Variants in LRMDA observed in about 807,000 individuals in gnomAD.
LRMDA encodes leucine rich melanocyte differentiation associated.
In LRMDA, 18 loss-of-function variants were observed where a neutral mutation model predicts 29.8. The observed-to-expected ratio is 0.60, with a 90% confidence interval of 0.42 to 0.90. The LOEUF (loss-of-function observed/expected upper bound fraction) is 0.90, where lower values mean the gene tolerates loss of function less well. LRMDA is among the 40% of genes least tolerant of loss of function. The probability of loss-of-function intolerance (pLI) is 0.00; values close to 1 mark genes in which losing one functional copy is unlikely to be tolerated. For missense variants in LRMDA, 273 were observed against 273.9 expected, an observed-to-expected ratio of 1.00 and a Z score of 0.02; for synonymous variants, 125 against 109.4, an observed-to-expected ratio of 1.14 and a Z score of -0.89.
At chr10:75,517,370 T>A (rs1451135323) in intron 2 of LRMDA, among the ~76,000 whole-genome samples, 1 of 152,214 alleles carries the variant, frequency 6.6e-6, no homozygotes, top group Admixed American at 6.5e-5. Context: ...TCCTCTTTTA[T>A]TTTGTTGAGC....
intron 5 of LRMDA, among the ~76,000 whole-genome samples, chr10:76,290,205 C>T (rs1225092609): frequency 6.6e-6 from 1 of 152,064 alleles, no homozygotes; most frequent in Non-Finnish European, 1.5e-5. Context: ...GGGCCTTATC[C>T]TTCAGGTGAG....
intron 5 of LRMDA, among the ~76,000 whole-genome samples, chr10:76,291,686 C>G (rs1272377326): frequency 6.6e-6 from 1 of 151,868 alleles, no homozygotes; most frequent in Admixed American, 6.6e-5. Context: ...AAACATCCTT[C>G]TATGTGAGAT....
intron 2 of LRMDA, among the ~76,000 whole-genome samples, chr10:75,691,002 C>CAA (rs1842140146): frequency 7.3e-6 from 1 of 136,314 alleles, no homozygotes; most frequent in Admixed American, 7.3e-5. Flanking sequence ...TATACACACA[C>CAA]ACACACACAC....
chr10:75,814,797 T>C lies in LRMDA; in HGVS notation c.132-221211T>C, dbSNP rs570290621. On this transcript the variant is annotated intron_variant, in intron 2 of 6. Coordinates refer to ENST00000611255, the MANE Select transcript of LRMDA (RefSeq NM_001305581.2). The stretch of plus-strand genomic sequence containing the variant: ...GCACACTTAAGATGCGTGTTAGAAA[T>C]GATGGGAAGTGGGATGTTACAGAGT... 9.9e-5 allele frequency among the ~76,000 whole-genome samples: 15 copies of C among 152,274 alleles called. No individual in the cohort carries two copies. In the South Asian group the frequency reaches 3.1e-3, roughly 32 times the overall value.
intron 5 of LRMDA, among the ~76,000 whole-genome samples, chr10:76,171,338 C>T (rs963898936): frequency 2.0e-5 from 3 of 152,196 alleles, no homozygotes; most frequent in Admixed American, 2.0e-4. Flanking sequence ...GGGGTTTCAC[C>T]GTGTCAGCCA....
At chr10:75,966,582 A>G (rs993048736) in intron 2 of LRMDA, among the ~76,000 whole-genome samples, 2 of 152,194 alleles carry the variant, frequency 1.3e-5, no homozygotes, top group Non-Finnish European at 2.9e-5. Context: ...GGAACCTAGA[A>G]GGCCCTCCAA....
intron 2 of LRMDA, among the ~76,000 whole-genome samples, chr10:75,961,486 G>T (rs1846764950): frequency 6.6e-6 from 1 of 152,190 alleles, no homozygotes. Flanking sequence ...GAACATGTTT[G>T]TTGAAGGGTC....
chr10:76,230,136 T>C (rs1852031766), intron 5 of LRMDA, among the ~76,000 whole-genome samples: 1 of 152,056 alleles, frequency 6.6e-6, no homozygotes, highest in Non-Finnish European at 1.5e-5. Flanking sequence ...TGTAACACCC[T>C]AACTAAAAGT....
intron 2 of LRMDA, among the ~76,000 whole-genome samples, chr10:75,467,726 G>T (rs1844671347): frequency 6.6e-6 from 1 of 152,098 alleles, no homozygotes; most frequent in Non-Finnish European, 1.5e-5. Context: ...ACTTTGGGAG[G>T]CCGAGGTGGG....
chr10:75,950,974 G>A (rs990775411), intron 2 of LRMDA, among the ~76,000 whole-genome samples: 5 of 152,170 alleles, frequency 3.3e-5, no homozygotes, highest in African/African-American at 1.2e-4. Context: ...ACCACTTCCT[G>A]ATTCCATGCC....
chr10:76,446,265 G>A (rs1842353229), intron 6 of LRMDA, among the ~76,000 whole-genome samples: 1 of 152,106 alleles, frequency 6.6e-6, no homozygotes, highest in Admixed American at 6.5e-5. Context: ...ATTTGATGCA[G>A]CTTATTTATT....
At position 75,643,827 on chromosome 10, in the gene LRMDA, C is replaced by G. The variant is rs544261907; in HGVS notation, c.131+205333C>G. Among the ~76,000 whole-genome samples the G allele has an allele frequency of 4.7e-4, 71 of 152,134 alleles. 1 individual carries two copies. Among genetic ancestry groups the G allele is most frequent in the African/African-American group, 1.7e-3 (69 of 41,484 alleles). ...GGATATCTTTAAATAGAGAGGTACC[C>G]TGGTACAGTAAGAAAAAACTCTTAT... is the stretch of plus-strand genomic sequence containing the variant. On this transcript the variant is annotated intron_variant, in intron 2 of 6. Transcript: ENST00000611255.
chr10:76,140,300 C>T (rs1345107483), intron 5 of LRMDA, among the ~76,000 whole-genome samples: 1 of 152,098 alleles, frequency 6.6e-6, no homozygotes, highest in Non-Finnish European at 1.5e-5. Flanking sequence ...ACTGCATCAC[C>T]AGAGACTCCT....
intron 2 of LRMDA, among the ~76,000 whole-genome samples, chr10:75,638,179 T>C (rs1269916628): frequency 2.6e-5 from 4 of 152,176 alleles, no homozygotes; most frequent in Non-Finnish European, 5.9e-5. Context: ...TCCCAACTGC[T>C]TCAGAGAGTG....
At chr10:76,121,933 A>G (rs1380316842) in intron 5 of LRMDA, among the ~76,000 whole-genome samples, 1 of 152,168 alleles carries the variant, frequency 6.6e-6, no homozygotes, top group Non-Finnish European at 1.5e-5. Context: ...TGTTCTAGGC[A>G]CTGGAGATAC....
intron 2 of LRMDA, among the ~76,000 whole-genome samples, chr10:75,870,176 A>G (rs909259252): frequency 6.6e-6 from 1 of 152,232 alleles, no homozygotes; most frequent in African/African-American, 2.4e-5. Flanking sequence ...AATTCTTGAC[A>G]TATGAAAAAT....
intron 5 of LRMDA, among the ~76,000 whole-genome samples, chr10:76,279,884 T>C (rs1255169643): frequency 6.6e-6 from 1 of 152,228 alleles, no homozygotes; most frequent in Non-Finnish European, 1.5e-5. Flanking sequence ...ACAAGGAGAC[T>C]GAGGCACTGA....
intron 2 of LRMDA, among the ~76,000 whole-genome samples, chr10:75,870,295 G>A (rs60409546): frequency 0.017 from 2,538 of 152,346 alleles, 77 homozygotes; most frequent in African/African-American, 0.057. Flanking sequence ...GAAGCAAAGT[G>A]TAGTAGTTGC....
chr10:75,871,573 C>T (rs1367171971), intron 2 of LRMDA, among the ~76,000 whole-genome samples: 11 of 152,098 alleles, frequency 7.2e-5, no homozygotes, highest in Non-Finnish European at 1.3e-4. Flanking sequence ...TTTCCTCCTC[C>T]CCTCCCTTTC....
Sources: allele counts gnomAD v4.1 joint callset (sites outside exome capture counted in the v4.1 genomes callset), GRCh38; gene constraint gnomAD v4.1.1; transcripts MANE v1.5; gene names NCBI Gene and HGNC (gene_info 2026-07-23, HGNC 2026-07-21).